ZFHX3: variants seen among roughly 807,000 people sequenced by gnomAD.
ZFHX3 encodes the protein zinc finger homeobox protein 3.
In ZFHX3, 42 loss-of-function variants were observed where a neutral mutation model predicts 279.1. The ratio of observed to expected loss-of-function variants is 0.15; its 90% CI spans 0.12 to 0.19. ZFHX3 has a LOEUF of 0.19. ZFHX3 is among the 10% of genes least tolerant of loss of function. ZFHX3 has a pLI of 1.00. For synonymous variants in ZFHX3, 2,293 were observed against 1,957.8 expected, an observed-to-expected ratio of 1.17 and a Z score of -4.52; for missense variants, 4,981 against 4,754.0, an observed-to-expected ratio of 1.05 and a Z score of -1.40.
intron 1 of ZFHX3, among the ~76,000 whole-genome samples, chr16:72,986,697 T>A (rs1334203657): frequency 2.6e-5 from 4 of 152,310 alleles, no homozygotes. Context: ...AGACATATTT[T>A]TCAATATAAG....
chr16:72,915,757 T>C (rs1053963247), intron 3 of ZFHX3, among the ~76,000 whole-genome samples: 2 of 149,302 alleles, frequency 1.3e-5, no homozygotes, highest in African/African-American at 2.5e-5. Flanking sequence ...AGCAAGACTC[T>C]GTCATAAAAA....
At chr16:73,276,218 T>G (rs1597257085) in intron 4 of ZFHX3, among the ~76,000 whole-genome samples, 1 of 151,446 alleles carries the variant, frequency 6.6e-6, no homozygotes, top group African/African-American at 2.4e-5. Flanking sequence ...AGTTTCGCTC[T>G]TGTTACCCAG....
At chr16:73,584,748 T>C (rs2051905369) in intron 2 of ZFHX3, among the ~76,000 whole-genome samples, 1 of 152,142 alleles carries the variant, frequency 6.6e-6, no homozygotes, top group South Asian at 2.1e-4. Context: ...TGGGATCTAA[T>C]TAAACTAGAG....
chr16:73,780,638 C>T (rs183185123), intron 1 of ZFHX3, among the ~76,000 whole-genome samples: 10 of 150,460 alleles, frequency 6.6e-5, no homozygotes, highest in Non-Finnish European at 8.9e-5. Flanking sequence ...GACGAGGTTT[C>T]GCCATGTTAG....
intron 1 of ZFHX3, among the ~76,000 whole-genome samples, chr16:73,776,022 T>C (rs553255413): frequency 2.4e-4 from 37 of 152,312 alleles, no homozygotes; most frequent in African/African-American, 7.9e-4. Flanking sequence ...TGTGTCTGGC[T>C]CTTAAACTCC....
chr16:73,345,289 A>C (rs1330308743), intron 3 of ZFHX3, among the ~76,000 whole-genome samples: 1 of 152,068 alleles, frequency 6.6e-6, no homozygotes, highest in Admixed American at 6.5e-5. Context: ...GGTTTGTTAC[A>C]TAGGTAAACG....
At chr16:73,097,733 G>A (rs978323746) in intron 7 of ZFHX3, among the ~76,000 whole-genome samples, 14 of 151,840 alleles carry the variant, frequency 9.2e-5, no homozygotes, top group South Asian at 2.1e-4. Context: ...CTCTTTCCCC[G>A]TCCCCGTGGC....
At chr16:73,631,927 T>TCTCTCACA (rs1437204921) in intron 2 of ZFHX3, among the ~76,000 whole-genome samples, 23 of 136,816 alleles carry the variant, frequency 1.7e-4, no homozygotes, top group African/African-American at 6.7e-4. Context: ...TCTCTCTCTC[T>TCTCTCACA]CACACACACA....
At chr16:72,811,871 A>C (rs767085053) in intron 6 of ZFHX3, 34 bp downstream of exon 6, 2 of 1,593,854 alleles carry the variant, frequency 1.3e-6, no homozygotes, top group Non-Finnish European at 1.7e-6. Context: ...AAAACACCTC[A>C]CCTCCCCACC....
chr16:73,337,261 G>C (rs1021940042), intron 3 of ZFHX3, among the ~76,000 whole-genome samples: 5 of 151,998 alleles, frequency 3.3e-5, no homozygotes, highest in Admixed American at 3.3e-4. Context: ...CGTCCTGTGG[G>C]ACTCCTGTTC....
intron 2 of ZFHX3, among the ~76,000 whole-genome samples, chr16:73,512,107 C>T (rs563581921): frequency 7.6e-4 from 116 of 151,896 alleles, no homozygotes; most frequent in Non-Finnish European, 1.3e-3. Flanking sequence ...AACAGCCGGA[C>T]ACGGGAAATG....
intron 2 of ZFHX3, among the ~76,000 whole-genome samples, chr16:73,465,416 A>G (rs2018549211): frequency 6.6e-6 from 1 of 151,944 alleles, no homozygotes; most frequent in Admixed American, 6.6e-5. Context: ...GGACCTGTCC[A>G]CCCTCATCTC....
chr16:73,266,549 C>T (rs963820564), intron 4 of ZFHX3, among the ~76,000 whole-genome samples: 4 of 152,122 alleles, frequency 2.6e-5, no homozygotes, highest in Admixed American at 1.3e-4. Flanking sequence ...ATTTTGCAGA[C>T]GTGAAGACAG....
intron 7 of ZFHX3, among the ~76,000 whole-genome samples, chr16:73,117,563 T>TG (rs1038254921): frequency 2.6e-5 from 4 of 152,170 alleles, no homozygotes; most frequent in African/African-American, 9.7e-5. Flanking sequence ...TATTAGTTTT[T>TG]GGGGGGATGA....
At chr16:73,136,312 C>T (rs1966791291) in intron 6 of ZFHX3, among the ~76,000 whole-genome samples, 1 of 152,146 alleles carries the variant, frequency 6.6e-6, no homozygotes, top group Non-Finnish European at 1.5e-5. Context: ...CACTCTTCTG[C>T]CTTGTTTTTG....
chr16:73,391,144 G>A (rs1227192526), intron 3 of ZFHX3, among the ~76,000 whole-genome samples: 1 of 152,166 alleles, frequency 6.6e-6, no homozygotes, highest in Non-Finnish European at 1.5e-5. Flanking sequence ...GGGCGGACAG[G>A]CCCAGCTTGT....
chr16:72,948,485 C>G (rs1263451288), intron 3 of ZFHX3, among the ~76,000 whole-genome samples: 3 of 152,180 alleles, frequency 2.0e-5, no homozygotes, highest in South Asian at 4.1e-4. Context: ...CACCCTGACT[C>G]TCTGGGTGTG....
intron 1 of ZFHX3, among the ~76,000 whole-genome samples, chr16:73,884,456 G>A (rs2030281546): frequency 6.6e-6 from 1 of 152,196 alleles, no homozygotes; most frequent in Admixed American, 6.5e-5. Flanking sequence ...TGGAGGCCAT[G>A]CCATATGACT....
At chr16:73,761,561 T>C (rs2053866870) in intron 1 of ZFHX3, among the ~76,000 whole-genome samples, 1 of 152,152 alleles carries the variant, frequency 6.6e-6, no homozygotes, top group African/African-American at 2.4e-5. Flanking sequence ...GCTGGAGGTG[T>C]CATGCTACCT....
Sources: allele counts gnomAD v4.1 joint callset (sites outside exome capture counted in the v4.1 genomes callset), GRCh38; gene constraint gnomAD v4.1.1; transcripts MANE v1.5; gene names NCBI Gene and HGNC (gene_info 2026-07-23, HGNC 2026-07-21).